ALK: variants seen among roughly 807,000 people sequenced by gnomAD.
ALK encodes ALK receptor tyrosine kinase.
ALK carries 74 observed loss-of-function variants against 163.1 expected under a neutral mutation model. That is an observed-to-expected ratio of 0.45 (90% CI 0.38 to 0.55). The LOEUF (loss-of-function observed/expected upper bound fraction) is 0.55. Ranked by LOEUF, ALK falls within the 20% of genes least tolerant of loss-of-function variation. ALK has a pLI of 0.00. For synonymous variants in ALK, 960 were observed against 843.2 expected, an observed-to-expected ratio of 1.14 and a Z score of -2.40; for missense variants, 2,063 against 2,105.3, an observed-to-expected ratio of 0.98 and a Z score of 0.39.
intron 3 of ALK, among the ~76,000 whole-genome samples, chr2:29,590,963 T>C (rs1015235313): frequency 1.3e-5 from 2 of 148,254 alleles, no homozygotes; most frequent in African/African-American, 5.0e-5. Context: ...CCCAGCTACT[T>C]GGGAGGCTGA....
At chr2:29,794,005 C>G (rs1020761773) in intron 1 of ALK, among the ~76,000 whole-genome samples, 1 of 152,144 alleles carries the variant, frequency 6.6e-6, no homozygotes, top group Non-Finnish European at 1.5e-5. Flanking sequence ...ATTGACTTCT[C>G]TTTTGTAGCT....
chr2:29,246,190 G>T lies in ALK; in HGVS notation c.2204+4915C>A, dbSNP rs1033479446. Among the ~76,000 whole-genome samples the T allele has an allele frequency of 4.6e-5, 7 of 151,802 alleles. No homozygotes were observed. The highest frequency in any genetic ancestry group is 8.8e-5 in the Non-Finnish European group (6 of 67,946). On this transcript the variant is annotated intron_variant, in intron 12 of 28. Coordinates refer to ENST00000389048, the MANE Select transcript of ALK (RefSeq NM_004304.5). The surrounding 1 kb of genome is among the most constrained non-coding windows in gnomAD (Gnocchi z 4.3). ...CGGGCTGAGAAGGATGCTGGTCCTAGACAGGTAGGAAGGCAGGCAGGCTGG... is the reference window on the plus strand; with the variant it reads ...CGGGCTGAGAAGGATGCTGGTCCTATACAGGTAGGAAGGCAGGCAGGCTGG...
chr2:29,332,041 C>T (rs780814366), intron 5 of ALK, among the ~76,000 whole-genome samples: 12 of 151,818 alleles, frequency 7.9e-5, no homozygotes, highest in Admixed American at 7.9e-4. Flanking sequence ...AATCCCAGGA[C>T]TTTGGGAGGC....
chr2:29,380,986 G>A (rs143236631), intron 5 of ALK, among the ~76,000 whole-genome samples: 17 of 152,346 alleles, frequency 1.1e-4, no homozygotes, highest in African/African-American at 4.1e-4. Flanking sequence ...TTTGGGTGTA[G>A]TGGTAAAAGG....
intron 4 of ALK, among the ~76,000 whole-genome samples, chr2:29,515,063 A>C (rs1044385918): frequency 2.6e-5 from 4 of 151,978 alleles, no homozygotes; most frequent in African/African-American, 9.7e-5. Context: ...ACTCAGATGC[A>C]TGTTTTCCCT....
intron 1 of ALK, among the ~76,000 whole-genome samples, chr2:29,746,203 C>A (rs1161285890): frequency 1.3e-5 from 2 of 152,190 alleles, no homozygotes; most frequent in African/African-American, 2.4e-5. Flanking sequence ...TTTGACTCCA[C>A]AGCCTGCTCT....
chr2:29,919,525 T>C (rs1483219338), intron 1 of ALK, among the ~76,000 whole-genome samples: 1 of 152,094 alleles, frequency 6.6e-6, no homozygotes, highest in Non-Finnish European at 1.5e-5. Context: ...TTGGGTGAGA[T>C]TCAATAATAT....
chr2:29,878,521 A>G (rs533023549), intron 1 of ALK, among the ~76,000 whole-genome samples: 99 of 152,316 alleles, frequency 6.5e-4, no homozygotes, highest in Non-Finnish European at 1.2e-3. Context: ...TCTTTTAGCC[A>G]TCATTCCTAG....
At position 29,908,789 on chromosome 2, in the gene ALK, T is replaced by G. The variant is rs187526176; in HGVS notation, c.667+11204A>C. 2.8e-4 allele frequency among the ~76,000 whole-genome samples: 42 copies of G among 152,336 alleles called. 2 individuals are homozygous for G. The East Asian group carries it at 8.1e-3, about 29-fold the overall frequency. Reference sequence around the variant, plus strand: ...TGACCTCTCCAACCCTCTATCCAACTACTATAACCAGCTGCACCATTTGTT... The same window carrying G: ...TGACCTCTCCAACCCTCTATCCAACGACTATAACCAGCTGCACCATTTGTT... On this transcript the variant is annotated intron_variant, in intron 1 of 28. Transcript: ENST00000389048.
intron 4 of ALK, among the ~76,000 whole-genome samples, chr2:29,446,767 C>A (rs182049635): frequency 1.2e-3 from 177 of 152,186 alleles, no homozygotes; most frequent in African/African-American, 4.1e-3. Context: ...AAATAGTGTC[C>A]CTGTGTTGGC....
At chr2:29,777,388 T>G (rs1572370404) in intron 1 of ALK, among the ~76,000 whole-genome samples, 1 of 152,032 alleles carries the variant, frequency 6.6e-6, no homozygotes. Context: ...TGGCAGCTAG[T>G]TTGTAGGGAA....
chr2:29,290,365 G>T (rs749115441), intron 9 of ALK, among the ~76,000 whole-genome samples: 1 of 152,230 alleles, frequency 6.6e-6, no homozygotes, highest in African/African-American at 2.4e-5. Context: ...GTGAGGAGGC[G>T]CAGGAGCTGC....
At chr2:29,627,794 C>A (rs996931070) in intron 3 of ALK, among the ~76,000 whole-genome samples, 2 of 152,148 alleles carry the variant, frequency 1.3e-5, no homozygotes, top group African/African-American at 4.8e-5. Flanking sequence ...TGTCAGGCTG[C>A]AGAAAGTAAT....
chr2:29,638,010 G>A (rs1264899172), intron 3 of ALK, among the ~76,000 whole-genome samples: 1 of 87,648 alleles, frequency 1.1e-5, no homozygotes, highest in Non-Finnish European at 2.9e-5. Flanking sequence ...ATATGTCAAT[G>A]AAATAAGCAG....
chr2:29,472,085 C>T (rs1671359995), intron 4 of ALK, among the ~76,000 whole-genome samples: 1 of 152,294 alleles, frequency 6.6e-6, no homozygotes, highest in East Asian at 1.9e-4. Context: ...TGGCACCTGG[C>T]TGTCTTGCAG....
chr2:29,713,269 T>C (rs1679159807), intron 2 of ALK, among the ~76,000 whole-genome samples: 1 of 152,196 alleles, frequency 6.6e-6, no homozygotes, highest in African/African-American at 2.4e-5. Flanking sequence ...TTTTATTTGA[T>C]TGCAAAGACT....
chr2:29,298,460 C>T (rs1666267160), intron 8 of ALK, among the ~76,000 whole-genome samples: 1 of 152,210 alleles, frequency 6.6e-6, no homozygotes, highest in Non-Finnish European at 1.5e-5. Flanking sequence ...GATCACGATG[C>T]TTTCTCCTTT....
intron 3 of ALK, among the ~76,000 whole-genome samples, chr2:29,672,561 T>C (rs1677735568): frequency 6.6e-6 from 1 of 150,756 alleles, no homozygotes; most frequent in Non-Finnish European, 1.5e-5. Flanking sequence ...CACATTTTCT[T>C]AATCCAGTCT....
chr2:29,858,646 G>A (rs1666205884), intron 1 of ALK, among the ~76,000 whole-genome samples: 1 of 152,144 alleles, frequency 6.6e-6, no homozygotes, highest in Non-Finnish European at 1.5e-5. Flanking sequence ...CAGAGGCTGA[G>A]GCAGGAGACT....
Sources: gnomAD v4.1 joint callset for allele counts (sites outside exome capture counted in the v4.1 genomes callset) on GRCh38, gnomAD v4.1.1 for gene constraint, Gnocchi (gnomAD v3.1) non-coding constraint, MANE v1.5 for transcripts, NCBI Gene and HGNC (gene_info 2026-07-23, HGNC 2026-07-21) for gene names.